The following GABPB2 variants were observed in gnomAD, a reference collection of about 807,000 sequenced individuals.
GABPB2 encodes the protein GA-binding protein subunit beta-2.
A neutral mutation model predicts 39.1 loss-of-function variants in GABPB2; 23 were observed. The observed-to-expected ratio is 0.59, with a 90% CI of 0.42 to 0.83. The LOEUF is 0.83. Among genes scored for constraint, GABPB2 ranks in the 40% least tolerant of loss-of-function variants. GABPB2 has a pLI of 0.00. For synonymous variants in GABPB2, 184 were observed against 199.3 expected (o/e 0.92, Z 0.65); for missense variants, 467 against 541.1 (o/e 0.86, Z 1.36).
At chr1:151,116,142 A>G (rs1232420967) in intron 7 of GABPB2, among the ~76,000 whole-genome samples, 3 of 152,122 alleles carry the variant, frequency 2.0e-5, no homozygotes, top group African/African-American at 4.8e-5. Flanking sequence ...CTGTAATCCC[A>G]GCACTTTGGG....
chr1:151,096,204 G>A (rs1679085478), intron 4 of GABPB2, among the ~76,000 whole-genome samples: 1 of 152,014 alleles, frequency 6.6e-6, no homozygotes, highest in Non-Finnish European at 1.5e-5. Flanking sequence ...AGGGTGGATT[G>A]CCTGAGCTCA....
intron 1 of GABPB2, among the ~76,000 whole-genome samples, 177 bp downstream of exon 1, chr1:151,071,111 C>T (rs868138265): frequency 1.3e-5 from 2 of 150,020 alleles, no homozygotes; most frequent in Non-Finnish European, 3.0e-5. Context: ...GAAGGGGATG[C>T]TGTCGGGAGG....
intron 3 of GABPB2, among the ~76,000 whole-genome samples, chr1:151,092,330 C>A (rs2101497496): frequency 6.6e-6 from 1 of 151,846 alleles, no homozygotes; most frequent in Non-Finnish European, 1.5e-5. Context: ...TGGTCTACAT[C>A]CCTTGACCTC....
intron 4 of GABPB2, 129 bp downstream of exon 4, chr1:151,093,515 G>A (rs1190012939): frequency 1.6e-6 from 1 of 609,622 alleles, no homozygotes. Context: ...TCAATCTTGT[G>A]ACTCAGTGTC....
intron 5 of GABPB2, among the ~76,000 whole-genome samples, chr1:151,101,947 AG>A (rs1679557560): frequency 6.6e-6 from 1 of 152,238 alleles, no homozygotes; most frequent in African/African-American, 2.4e-5. Flanking sequence ...TGCCAGATCT[AG>A]TGCGCTTCCC....
intron 1 of GABPB2, among the ~76,000 whole-genome samples, chr1:151,086,106 A>C: frequency 6.6e-6 from 1 of 152,066 alleles, no homozygotes; most frequent in East Asian, 1.9e-4. Flanking sequence ...TTAGCTGGGC[A>C]TGGTGGTGTG....
chr1:151,097,724 A>G, intron 4 of GABPB2, 128 bp from the exon 5 acceptor site: 1 of 816,242 alleles, frequency 1.2e-6, no homozygotes, highest in Non-Finnish European at 1.9e-6. Context: ...GGTTGCAATG[A>G]GCCAAGATCG....
chr1:151,078,409 C>A (rs1403303908), intron 1 of GABPB2, among the ~76,000 whole-genome samples: 1 of 151,966 alleles, frequency 6.6e-6, no homozygotes, highest in East Asian at 2.0e-4. Flanking sequence ...CTGGCTAACA[C>A]GGTGAAACCG....
intron 1 of GABPB2, among the ~76,000 whole-genome samples, chr1:151,083,472 A>G (rs1677892940): frequency 6.6e-6 from 1 of 152,088 alleles, no homozygotes; most frequent in Admixed American, 6.6e-5. Context: ...TCTCTACTAA[A>G]AGTACAGAAA....
intron 1 of GABPB2, among the ~76,000 whole-genome samples, chr1:151,084,122 G>A (rs952133692): frequency 6.6e-6 from 1 of 151,316 alleles, no homozygotes; most frequent in Non-Finnish European, 1.5e-5. Context: ...CGGGGTAGTC[G>A]GGTAGTCTCT....
At chr1:151,075,215 G>A (rs1313768101) in intron 1 of GABPB2, among the ~76,000 whole-genome samples, 1 of 151,614 alleles carries the variant, frequency 6.6e-6, no homozygotes, top group Non-Finnish European at 1.5e-5. Flanking sequence ...GGCGGGCAGA[G>A]GTCAGGAGAT....
chr1:151,106,007 G>A (rs587753474), intron 6 of GABPB2, among the ~76,000 whole-genome samples: 1 of 151,560 alleles, frequency 6.6e-6, no homozygotes, highest in Non-Finnish European at 1.5e-5. Flanking sequence ...TGTCACCCAG[G>A]CTGGAGTGCA....
rs587634006 is a variant in GABPB2 at position 151,118,381 on chromosome 1, A to G, written c.*125A>G. The G allele has an allele frequency of 1.1e-4, 103 of 908,004 alleles. 2 individuals carry two copies. The South Asian group carries it at 2.2e-3, about 19-fold the overall frequency. 56.2% of individuals were successfully genotyped at this position (908,004 alleles called of 1,614,324 possible). The stretch of plus-strand genomic sequence containing the variant: ...AAGAAGAAAACTATAGCAGGGTACA[A>G]TGCTTGGGCTCAGGAAGTTTCTCTG... On this transcript the variant is annotated 3_prime_UTR_variant, in exon 9 of 9. Coordinates refer to ENST00000368918, the MANE Select transcript of GABPB2 (RefSeq NM_144618.3).
intron 1 of GABPB2, among the ~76,000 whole-genome samples, chr1:151,079,099 C>G: frequency 6.6e-6 from 1 of 151,894 alleles, no homozygotes; most frequent in Non-Finnish European, 1.5e-5. Context: ...AATATAGCAC[C>G]CTATTTACAT....
chr1:151,084,130 T>C (rs967376450), intron 1 of GABPB2, among the ~76,000 whole-genome samples: 2 of 151,752 alleles, frequency 1.3e-5, no homozygotes, highest in African/African-American at 4.8e-5. Flanking sequence ...TCGGGTAGTC[T>C]CTTACTCCTG....
chr1:151,098,834 A>G (rs1679302158), intron 5 of GABPB2, among the ~76,000 whole-genome samples: 1 of 152,166 alleles, frequency 6.6e-6, no homozygotes, highest in Non-Finnish European at 1.5e-5. Flanking sequence ...CTGTAGTCCC[A>G]GCACTTTGGG....
rs376385809 is a variant in GABPB2 at position 151,117,511 on chromosome 1, A to G, written c.1042A>G (p.Ser348Gly). ...IGEKTNSVEE[S>G]KEGNERELLQ... Reference sequence around the variant, plus strand: ...AGAGAAGACAAACAGTGTGGAGGAAAGCAAGGTAATGTTTTTAGGAGTGAT... The same window carrying G: ...AGAGAAGACAAACAGTGTGGAGGAAGGCAAGGTAATGTTTTTAGGAGTGAT... Residue 348 changes from serine (S) to glycine (G), a missense_variant, in exon 8 of 9, where the codon AGC (serine) becomes GGC (glycine). Transcript: ENST00000368918. The G allele has an allele frequency of 1.1e-4, 173 of 1,613,754 alleles. No individual in the cohort carries two copies. The highest frequency in any genetic ancestry group is 5.0e-4 in the Middle Eastern group (3 of 6,060).
At chr1:151,075,034 C>T (rs1023695471) in intron 1 of GABPB2, among the ~76,000 whole-genome samples, 1 of 151,886 alleles carries the variant, frequency 6.6e-6, no homozygotes, top group South Asian at 2.1e-4. Context: ...TCCAGCTACT[C>T]GGGAGGGTGA....
chr1:151,102,283 T>C (rs1307079783), intron 5 of GABPB2, among the ~76,000 whole-genome samples: 1 of 152,152 alleles, frequency 6.6e-6, no homozygotes, highest in African/African-American at 2.4e-5. Context: ...ACCGTGCTAC[T>C]GCACTCCAGC....
Sources: gnomAD v4.1 joint callset for allele counts (sites outside exome capture counted in the v4.1 genomes callset) on GRCh38, gnomAD v4.1.1 for gene constraint, MANE v1.5 for transcripts, NCBI Gene and HGNC (gene_info 2026-07-23, HGNC 2026-07-21) for gene names.